DPYD: variants seen among roughly 807,000 people sequenced by gnomAD.
DPYD encodes dihydropyrimidine dehydrogenase, also known as dihydropyrimidine dehydrogenase [NADP(+)].
Under a neutral mutation model 116.2 loss-of-function variants are expected in DPYD, and 109 were observed. The ratio of observed to expected loss-of-function variants is 0.94; its 90% confidence interval spans 0.80 to 1.10. The LOEUF is 1.10. DPYD is among the 50% of genes least tolerant of loss of function. The probability of loss-of-function intolerance (pLI) is 0.00; values close to 1 mark genes in which losing one functional copy is unlikely to be tolerated. For synonymous variants in DPYD, 440 were observed against 432.0 expected, an observed-to-expected ratio of 1.02 and a Z score of -0.23; for missense variants, 1,302 against 1,254.5, an observed-to-expected ratio of 1.04 and a Z score of -0.57.
At chr1:97,121,805 T>G (rs1652454282) in intron 20 of DPYD, among the ~76,000 whole-genome samples, 1 of 152,004 alleles carries the variant, frequency 6.6e-6, no homozygotes, top group Admixed American at 6.6e-5. Flanking sequence ...TGGTTTGGGC[T>G]CGAAAAAAGG....
intron 13 of DPYD, among the ~76,000 whole-genome samples, chr1:97,486,323 C>T (rs1678631233): frequency 6.6e-6 from 1 of 152,066 alleles, no homozygotes; most frequent in African/African-American, 2.4e-5. Flanking sequence ...GAAGAGAACA[C>T]TCAATTTTTC....
At chr1:97,435,156 C>T (rs1014732480) in intron 14 of DPYD, among the ~76,000 whole-genome samples, 4 of 151,642 alleles carry the variant, frequency 2.6e-5, no homozygotes, top group African/African-American at 9.7e-5. Flanking sequence ...AAAATTGTAC[C>T]TTTTCTCTCT....
intron 14 of DPYD, among the ~76,000 whole-genome samples, chr1:97,424,670 T>G (rs1410743705): frequency 6.6e-6 from 1 of 152,082 alleles, no homozygotes; most frequent in Non-Finnish European, 1.5e-5. Flanking sequence ...GTCACCTTCG[T>G]AAGATCGATG....
intron 16 of DPYD, among the ~76,000 whole-genome samples, chr1:97,352,101 A>T (rs1210141292): frequency 6.6e-6 from 1 of 152,116 alleles, no homozygotes; most frequent in African/African-American, 2.4e-5. Flanking sequence ...ATGCAGTGAG[A>T]TTTTCAAGCA....
intron 11 of DPYD, among the ~76,000 whole-genome samples, chr1:97,552,159 C>T (rs944455843): frequency 1.3e-5 from 2 of 151,972 alleles, no homozygotes; most frequent in Admixed American, 6.6e-5. Context: ...CAAAGCCCTG[C>T]GCCTAATTTC....
intron 8 of DPYD, among the ~76,000 whole-genome samples, chr1:97,656,940 A>G (rs191619449): frequency 6.7e-6 from 1 of 149,146 alleles, no homozygotes; most frequent in African/African-American, 2.5e-5. Context: ...CTCAACTGCA[A>G]TTTCTTAACT....
At chr1:97,815,318 T>C (rs1434643682) in intron 3 of DPYD, among the ~76,000 whole-genome samples, 1 of 152,158 alleles carries the variant, frequency 6.6e-6, no homozygotes, top group Non-Finnish European at 1.5e-5. Flanking sequence ...AAATGATAAC[T>C]ACCTAGGAAC....
chr1:97,671,109 T>A (rs1659838254), intron 8 of DPYD, among the ~76,000 whole-genome samples: 1 of 152,230 alleles, frequency 6.6e-6, no homozygotes, highest in South Asian at 2.1e-4. Context: ...AGCTGTATAA[T>A]GTTAAAATAA....
At chr1:97,448,201 G>A (rs1299580530) in intron 14 of DPYD, among the ~76,000 whole-genome samples, 1 of 152,024 alleles carries the variant, frequency 6.6e-6, no homozygotes, top group African/African-American at 2.4e-5. Context: ...TGGGCGGGGG[G>A]ACCCATCTCT....
chr1:97,832,572 T>A (rs1056684781), intron 2 of DPYD, among the ~76,000 whole-genome samples: 6 of 152,146 alleles, frequency 3.9e-5, no homozygotes, highest in African/African-American at 1.4e-4. Flanking sequence ...ATATTTTGCA[T>A]GCAACAGTCT....
At chr1:97,176,772 A>T (rs1247283802) in intron 20 of DPYD, among the ~76,000 whole-genome samples, 2 of 151,946 alleles carry the variant, frequency 1.3e-5, no homozygotes, top group Non-Finnish European at 2.9e-5. Context: ...GATAACAATA[A>T]AGAGAGGAAT....
chr1:97,647,906 T>C, intron 8 of DPYD, among the ~76,000 whole-genome samples: 1 of 152,016 alleles, frequency 6.6e-6, no homozygotes, highest in Non-Finnish European at 1.5e-5. Flanking sequence ...ATCTGATATT[T>C]TGCCAATTAC....
chr1:97,639,063 T>C (rs572360003), intron 8 of DPYD, among the ~76,000 whole-genome samples: 5 of 152,254 alleles, frequency 3.3e-5, no homozygotes, highest in Non-Finnish European at 7.4e-5. Flanking sequence ...ATCAGCAGTG[T>C]AGTAAGGCAA....
intron 3 of DPYD, among the ~76,000 whole-genome samples, chr1:97,776,752 G>C (rs1489278519): frequency 2.0e-5 from 3 of 152,064 alleles, no homozygotes; most frequent in Admixed American, 1.3e-4. Context: ...TTCCTTCCTT[G>C]GTCTTAGGCA....
At chr1:97,421,237 T>C (rs962803061) in intron 14 of DPYD, among the ~76,000 whole-genome samples, 19 of 152,168 alleles carry the variant, frequency 1.2e-4, no homozygotes, top group Non-Finnish European at 7.3e-5. Flanking sequence ...TTAATTTTAG[T>C]TAAGCTCTTG....
chr1:97,662,781 A>C (rs1429002888), intron 8 of DPYD, among the ~76,000 whole-genome samples: 1 of 152,206 alleles, frequency 6.6e-6, no homozygotes, highest in Non-Finnish European at 1.5e-5. Flanking sequence ...GGGCAATGGC[A>C]ACACCAAAAC....
chr1:97,523,003 G>T (rs1444934196), intron 12 of DPYD, among the ~76,000 whole-genome samples: 1 of 152,062 alleles, frequency 6.6e-6, no homozygotes, highest in Admixed American at 6.5e-5. Flanking sequence ...AGTTGAAAAG[G>T]TTAAAAATGA....
At chr1:97,382,800 T>C (rs1302226144) in intron 14 of DPYD, among the ~76,000 whole-genome samples, 2 of 152,168 alleles carry the variant, frequency 1.3e-5, no homozygotes, top group African/African-American at 4.8e-5. Flanking sequence ...AATACATGCA[T>C]GTACGTGAAG....
intron 3 of DPYD, among the ~76,000 whole-genome samples, chr1:97,793,669 C>T (rs1427995576): frequency 2.0e-5 from 3 of 151,450 alleles, no homozygotes; most frequent in Non-Finnish European, 4.4e-5. Context: ...CAAAACAAAA[C>T]GAAAAAAAAC....
Sources: allele counts gnomAD v4.1 joint callset (sites outside exome capture counted in the v4.1 genomes callset), GRCh38; gene constraint gnomAD v4.1.1; transcripts MANE v1.5; gene names NCBI Gene and HGNC (gene_info 2026-07-23, HGNC 2026-07-21).